The following RAD52 variants were observed in gnomAD, a reference collection of about 807,000 sequenced individuals.
The protein encoded by RAD52 is RAD52 DNA repair protein.
RAD52 carries 47 observed loss-of-function variants against 55.5 expected under a neutral mutation model. That is an observed-to-expected ratio of 0.85 (90% CI 0.67 to 1.08). The LOEUF (loss-of-function observed/expected upper bound fraction) is 1.08. Among genes scored for constraint, RAD52 ranks in the 50% least tolerant of loss-of-function variants. RAD52 has a pLI of 0.00. For missense variants in RAD52, 468 were observed against 522.8 expected, an observed-to-expected ratio of 0.90 and a Z score of 1.02; for synonymous variants, 184 against 198.9, an observed-to-expected ratio of 0.92 and a Z score of 0.63.
intron 7 of RAD52, among the ~76,000 whole-genome samples, chr12:924,441 C>T (rs1036013123): frequency 6.6e-6 from 1 of 152,126 alleles, no homozygotes; most frequent in African/African-American, 2.4e-5. Flanking sequence ...TATTAGCAAA[C>T]TGAATCCAAT....
intron 7 of RAD52, among the ~76,000 whole-genome samples, chr12:924,291 T>TC (rs1424178743): frequency 1.3e-5 from 2 of 150,948 alleles, no homozygotes; most frequent in Non-Finnish European, 2.9e-5. Flanking sequence ...ACACCTGTAA[T>TC]CCCAGCTACT....
At chr12:951,682 T>A (rs1158716993), upstream of RAD52, among the ~76,000 whole-genome samples, 1 of 152,240 alleles carries the variant, frequency 6.6e-6, no homozygotes, top group East Asian at 1.9e-4. Flanking sequence ...ACAATTGTTT[T>A]TCCATTTGTT....
intron 7 of RAD52, among the ~76,000 whole-genome samples, chr12:921,973 G>T (rs1428406434): frequency 6.6e-6 from 1 of 151,784 alleles, no homozygotes; most frequent in African/African-American, 2.4e-5. Context: ...CGGCATGGTG[G>T]CAGGCGCCTA....
intron 1 of RAD52, among the ~76,000 whole-genome samples, chr12:973,272 T>C (rs999239983): frequency 1.3e-5 from 2 of 151,862 alleles, no homozygotes; most frequent in Non-Finnish European, 2.9e-5. Context: ...GGTTTCATCA[T>C]GTTAGCCAGG....
chr12:965,841 CA>C (rs1958755549), intron 1 of RAD52, among the ~76,000 whole-genome samples: 1 of 151,942 alleles, frequency 6.6e-6, no homozygotes, highest in Non-Finnish European at 1.5e-5. Context: ...TATGCACCAC[CA>C]CACCTGGCTA....
At chr12:934,287 T>G (rs1264343981) in intron 1 of RAD52, among the ~76,000 whole-genome samples, 1 of 151,318 alleles carries the variant, frequency 6.6e-6, no homozygotes, top group Non-Finnish European at 1.5e-5. Flanking sequence ...GCCAACATGG[T>G]GAAATGTCTT....
upstream of RAD52, among the ~76,000 whole-genome samples, chr12:950,509 C>T (rs542406511): frequency 1.3e-5 from 2 of 150,566 alleles, no homozygotes; most frequent in South Asian, 2.1e-4. Context: ...GGGACGGAGC[C>T]TGCAGTGAGC....
chr12:942,879 T>C (rs1957994598), intron 1 of RAD52, among the ~76,000 whole-genome samples: 1 of 151,988 alleles, frequency 6.6e-6, no homozygotes, highest in Non-Finnish European at 1.5e-5. Flanking sequence ...TACATCAAAA[T>C]GTAAAACTTC....
At chr12:967,468 C>A (rs1330342833) in intron 1 of RAD52, among the ~76,000 whole-genome samples, 1 of 151,910 alleles carries the variant, frequency 6.6e-6, no homozygotes, top group Non-Finnish European at 1.5e-5. Flanking sequence ...TCACCTAGCT[C>A]ACTAGGTGGC....
intron 1 of RAD52, among the ~76,000 whole-genome samples, chr12:969,416 A>G (rs1434129704): frequency 2.6e-5 from 4 of 152,214 alleles, no homozygotes; most frequent in East Asian, 1.9e-4. Flanking sequence ...CATATAAATT[A>G]TATGAAATAG....
chr12:953,230 G>C (rs761217964), upstream of RAD52, among the ~76,000 whole-genome samples: 1 of 151,508 alleles, frequency 6.6e-6, no homozygotes, highest in Non-Finnish European at 1.5e-5. Context: ...GTTTGAACCC[G>C]GAAGTGGAGG....
intron 10 of RAD52, 92 bp downstream of exon 10, chr12:914,339 C>A (rs535959175): frequency 1.3e-6 from 2 of 1,540,212 alleles, no homozygotes; most frequent in Non-Finnish European, 1.7e-6. Context: ...CAAAACCACA[C>A]GAAAATGAGG....
At chr12:965,812 A>G (rs150866566) in intron 1 of RAD52, among the ~76,000 whole-genome samples, 41 of 151,752 alleles carry the variant, frequency 2.7e-4, no homozygotes, top group South Asian at 8.3e-4. Context: ...TCAGCCTCCT[A>G]AGTAGCTGGG....
chr12:982,792 C>T (rs559300038), intron 1 of RAD52, among the ~76,000 whole-genome samples: 2 of 150,450 alleles, frequency 1.3e-5, no homozygotes, highest in African/African-American at 4.9e-5. Context: ...CAGCCCCACA[C>T]CCCCGCCCGC....
At chr12:972,805 G>A (rs1446490060) in intron 1 of RAD52, among the ~76,000 whole-genome samples, 1 of 151,234 alleles carries the variant, frequency 6.6e-6, no homozygotes, top group Non-Finnish European at 1.5e-5. Flanking sequence ...CTCTTGAGGT[G>A]GGGGCACACC....
chr12:916,672 G>T lies in RAD52; in HGVS notation c.692C>A (p.Ala231Asp), dbSNP rs200785626. The stretch of plus-strand genomic sequence containing the variant: ...GCAGTCCTGGTCCGCCGGTATCACA[G>T]CATGGCTGGGTCTGGAAGGGGAGGT... ...QVTSPSRPSH[A>D]VIPADQDCSS... The change falls in exon 8 of 12, where the codon GCT becomes GAT. Residue 231 changes from alanine to aspartate, a missense_variant. Transcript: ENST00000358495. The T allele has an allele frequency of 1.2e-6, 2 of 1,614,084 alleles. No homozygotes were observed. The highest frequency in any genetic ancestry group is 1.7e-6 in the Non-Finnish European group (2 of 1,179,976).
intron 6 of RAD52, among the ~76,000 whole-genome samples, chr12:926,077 T>C (rs956192851): frequency 1.3e-5 from 2 of 152,170 alleles, no homozygotes; most frequent in Non-Finnish European, 2.9e-5. Context: ...TGACCTCCAA[T>C]GCCGGGGGGT....
At chr12:914,732 ATTC>A (rs1308886675) in intron 9 of RAD52, among the ~76,000 whole-genome samples, 200 bp from the exon 10 acceptor site, 2 of 152,208 alleles carry the variant, frequency 1.3e-5, no homozygotes, top group East Asian at 1.9e-4. Flanking sequence ...TGTGGTTTGA[ATTC>A]TTCTCACCAG....
intron 1 of RAD52, among the ~76,000 whole-genome samples, chr12:946,167 C>T (rs1192052685): frequency 1.3e-5 from 2 of 152,170 alleles, no homozygotes; most frequent in Non-Finnish European, 2.9e-5. Flanking sequence ...AGTCCCCACT[C>T]AGCACATAGT....
Sources: gnomAD v4.1 joint callset for allele counts (sites outside exome capture counted in the v4.1 genomes callset) on GRCh38, gnomAD v4.1.1 for gene constraint, MANE v1.5 for transcripts, NCBI Gene and HGNC (gene_info 2026-07-23, HGNC 2026-07-21) for gene names.